Variants in DHX36 observed in about 807,000 individuals in gnomAD.
DHX36 encodes DEAH-box helicase 36, also known as ATP-dependent DNA/RNA helicase DHX36.
DHX36 carries 50 observed loss-of-function variants against 139.0 expected under a neutral mutation model. The observed-to-expected ratio is 0.36, with a 90% CI of 0.29 to 0.46. DHX36 has a LOEUF of 0.46. DHX36 is among the 20% of genes least tolerant of loss of function. DHX36 has a pLI of 1.00. For missense variants in DHX36, 1,024 were observed against 1,211.3 expected (o/e 0.85, Z 2.29); for synonymous variants, 425 against 401.9 (o/e 1.06, Z -0.69).
chr3:154,284,727 C>G, intron 18 of DHX36, 58 bp from the exon 19 acceptor site: 1 of 1,592,350 alleles, frequency 6.3e-7, no homozygotes, highest in East Asian at 2.2e-5. Flanking sequence ...TGGAGAATGA[C>G]ATTCTAATAA....
At chr3:154,319,754 T>C (rs1263183433) in intron 1 of DHX36, among the ~76,000 whole-genome samples, 1 of 152,144 alleles carries the variant, frequency 6.6e-6, no homozygotes, top group African/African-American at 2.4e-5. Flanking sequence ...CCATTAAGAT[T>C]TGGGGGTTGG....
At chr3:154,313,295 A>T (rs1712841483) in intron 3 of DHX36, among the ~76,000 whole-genome samples, 1 of 152,152 alleles carries the variant, frequency 6.6e-6, no homozygotes, top group African/African-American at 2.4e-5. Context: ...CAAAGTTTCT[A>T]CTTTGTTAAC....
chr3:154,322,982 A>T (rs911298949), intron 1 of DHX36, among the ~76,000 whole-genome samples: 12 of 152,250 alleles, frequency 7.9e-5, no homozygotes, highest in Non-Finnish European at 7.3e-5. Flanking sequence ...AAGGCCCCCA[A>T]AACACCTGAA....
At chr3:154,279,380 C>G (rs150861944) in intron 22 of DHX36, 226 of 152,180 alleles carry the variant, frequency 1.5e-3, no homozygotes, top group African/African-American at 5.2e-3. Context: ...TACATTTTTT[C>G]AGAAAGCCCT....
At position 154,306,193 on chromosome 3, in the gene DHX36, T is replaced by C. The variant is rs562759622; in HGVS notation, c.893+23A>G. The C allele has an allele frequency of 3.2e-6, 5 of 1,552,626 alleles. No individual in the cohort carries two copies. In the African/African-American group the frequency reaches 4.1e-5, roughly 13 times the overall value. ...AAAGTTTCACTAAAATCTGCCTGTA[T>C]ATAAGAAGTGAACATTTCTTACCTC... On this transcript the variant is annotated intron_variant, in intron 6 of 24. Coordinates refer to ENST00000496811, the MANE Select transcript of DHX36 (RefSeq NM_020865.3).
At chr3:154,304,413 G>A (rs574455002) in intron 8 of DHX36, among the ~76,000 whole-genome samples, 1 of 152,242 alleles carries the variant, frequency 6.6e-6, no homozygotes, top group Admixed American at 6.5e-5. Context: ...AGACAAAGTG[G>A]CAAATATACT....
chr3:154,306,949 C>G (rs762640323), intron 5 of DHX36, among the ~76,000 whole-genome samples: 12 of 151,848 alleles, frequency 7.9e-5, no homozygotes, highest in Non-Finnish European at 1.3e-4. Flanking sequence ...ACTCAAATTC[C>G]AACAGATGGT....
At chr3:154,282,966 G>A (rs714484) in intron 20 of DHX36, among the ~76,000 whole-genome samples, 42,532 of 151,962 alleles carry the variant, frequency 0.28, 6,708 homozygotes, top group South Asian at 0.41. Flanking sequence ...AACAGAAATC[G>A]AACCCTACTG....
chr3:154,273,676 T>G lies in DHX36; in HGVS notation c.*2495A>C, dbSNP rs1280662005. On this transcript the variant is annotated 3_prime_UTR_variant, in exon 25 of 25. Coordinates refer to ENST00000496811, the MANE Select transcript of DHX36 (RefSeq NM_020865.3). ...TAGAAGAACAGCCAAGATAAAGGAT[T>G]TGAGACATAACAGGTAACACACATT... The G allele has an allele frequency of 1.3e-5, 2 of 152,212 alleles. No individual in the cohort carries two copies. The highest frequency in any genetic ancestry group is 4.8e-5 in the African/African-American group (2 of 41,460). The allele number at this position is 152,212 out of a possible 1,614,324, so 9.4% of individuals were successfully genotyped here.
chr3:154,321,926 C>CAAAA (rs36004138), intron 1 of DHX36, among the ~76,000 whole-genome samples: 3 of 111,910 alleles, frequency 2.7e-5, no homozygotes, highest in African/African-American at 9.9e-5. Context: ...GACTCCAACT[C>CAAAA]AAAAAAAAAA....
chr3:154,295,612 A>G (rs1172229196), intron 12 of DHX36, among the ~76,000 whole-genome samples: 1 of 152,208 alleles, frequency 6.6e-6, no homozygotes, highest in Non-Finnish European at 1.5e-5. Context: ...AGTTCAAGCT[A>G]ACATTTTGTT....
chr3:154,279,859 G>A (rs144435360), intron 22 of DHX36: 109 of 152,208 alleles, frequency 7.2e-4, no homozygotes, highest in African/African-American at 2.5e-3. Flanking sequence ...ATGCATTACA[G>A]TATTATAAAA....
chr3:154,293,866 A>G, intron 13 of DHX36, 54 bp from the exon 14 acceptor site: 4 of 1,305,564 alleles, frequency 3.1e-6, no homozygotes, highest in Non-Finnish European at 4.4e-6. Context: ...CTAATACATT[A>G]TATTTGTAAT....
chr3:154,274,291 G>C lies in DHX36; in HGVS notation c.*1880C>G, dbSNP rs1719081307. ...CCACTGCACTCCAGCCTGGGTGACA[G>C]GGCAAGACACTGTCTCCAAAAAACA... On this transcript the variant is annotated 3_prime_UTR_variant, in exon 25 of 25. Coordinates refer to ENST00000496811, the MANE Select transcript of DHX36 (RefSeq NM_020865.3). The C allele has an allele frequency of 1.1e-5, 2 of 180,306 alleles. No homozygotes were observed. The highest frequency in any genetic ancestry group is 1.1e-5 in the Non-Finnish European group (1 of 87,958). The allele number at this position is 180,306 out of a possible 1,614,324, so 11.2% of individuals were successfully genotyped here.
chr3:154,301,691 A>T (rs913853159), intron 9 of DHX36, among the ~76,000 whole-genome samples: 1 of 152,216 alleles, frequency 6.6e-6, no homozygotes, highest in African/African-American at 2.4e-5. Flanking sequence ...CAGAATCAGT[A>T]TTCAAGTCTC....
intron 1 of DHX36, among the ~76,000 whole-genome samples, chr3:154,322,059 T>G (rs1713208618): frequency 6.6e-6 from 1 of 152,208 alleles, no homozygotes; most frequent in Non-Finnish European, 1.5e-5. Flanking sequence ...ACGAGCCCAT[T>G]GAAAAATACT....
At chr3:154,293,339 G>A (rs970117309) in intron 14 of DHX36, among the ~76,000 whole-genome samples, 3 of 152,152 alleles carry the variant, frequency 2.0e-5, no homozygotes, top group Non-Finnish European at 4.4e-5. Flanking sequence ...CAGCACTTTG[G>A]GAGGTTGAGG....
At chr3:154,317,200 C>T (rs1713020960) in intron 1 of DHX36, among the ~76,000 whole-genome samples, 1 of 151,998 alleles carries the variant, frequency 6.6e-6, no homozygotes, top group African/African-American at 2.4e-5. Flanking sequence ...AAGGAAGCTG[C>T]TCTGTGTTAC....
chr3:154,279,352 C>T (rs1719260081), intron 22 of DHX36: 2 of 152,120 alleles, frequency 1.3e-5, no homozygotes, highest in South Asian at 2.1e-4. Context: ...CAAAACAATG[C>T]ACCAGTCCAA....
Sources: gnomAD v4.1 joint callset for allele counts (sites outside exome capture counted in the v4.1 genomes callset) on GRCh38, gnomAD v4.1.1 for gene constraint, MANE v1.5 for transcripts, NCBI Gene and HGNC (gene_info 2026-07-23, HGNC 2026-07-21) for gene names.